Variants in GRID2 observed in about 807,000 individuals in gnomAD.
GRID2 encodes glutamate ionotropic receptor delta type subunit 2.
A neutral mutation model predicts 114.8 loss-of-function variants in GRID2; 33 were observed. The ratio of observed to expected loss-of-function variants is 0.29; its 90% CI spans 0.22 to 0.38. The LOEUF is 0.38. Ranked by LOEUF, GRID2 falls within the 10% of genes least tolerant of loss-of-function variation. The probability of loss-of-function intolerance (pLI) is 1.00; values close to 1 mark genes in which losing one functional copy is unlikely to be tolerated. For missense variants in GRID2, 1,184 were observed against 1,257.7 expected (o/e 0.94, Z 0.89); for synonymous variants, 505 against 449.9 (o/e 1.12, Z -1.55).
intron 2 of GRID2, among the ~76,000 whole-genome samples, chr4:92,817,702 CTT>C (rs112928641): frequency 7.0e-6 from 1 of 142,202 alleles, no homozygotes. Context: ...AGATATTTGG[CTT>C]TTTTTTTTTG....
intron 12 of GRID2, among the ~76,000 whole-genome samples, chr4:93,494,367 G>A (rs900602254): frequency 1.3e-5 from 2 of 150,852 alleles, no homozygotes; most frequent in South Asian, 4.2e-4. Context: ...CAGTGAAGGG[G>A]AGAGAGAGAG....
rs1297694328 is a variant in GRID2, at chr4:92,975,349, T to C, written c.245-109646T>C. On this transcript the variant is annotated intron_variant, in intron 2 of 15. Coordinates refer to ENST00000282020, the MANE Select transcript of GRID2 (RefSeq NM_001510.4). Reference sequence around the variant, plus strand: ...ATAATGGGATACTTCTAGTAGGCAATCTTCAATTCCTTAAGATACTTGGTT... The same window carrying C: ...ATAATGGGATACTTCTAGTAGGCAACCTTCAATTCCTTAAGATACTTGGTT... 2.0e-5 allele frequency among the ~76,000 whole-genome samples: 3 copies of C among 152,016 alleles called. No homozygotes were observed. In the South Asian group the frequency reaches 6.2e-4, roughly 31 times the overall value.
chr4:93,290,174 TTAAAAA>T (rs1200634194), intron 8 of GRID2, among the ~76,000 whole-genome samples: 2 of 152,202 alleles, frequency 1.3e-5, no homozygotes, highest in African/African-American at 4.8e-5. Context: ...TTACAGTATG[TTAAAAA>T]TAAATTTCAT....
At chr4:93,204,641 C>T (rs1036770927) in intron 4 of GRID2, among the ~76,000 whole-genome samples, 1 of 152,058 alleles carries the variant, frequency 6.6e-6, no homozygotes, top group Non-Finnish European at 1.5e-5. Context: ...AATATTATTT[C>T]TTGCTTTTGC....
intron 13 of GRID2, among the ~76,000 whole-genome samples, chr4:93,593,500 T>G (rs1287044405): frequency 2.7e-4 from 38 of 139,440 alleles, no homozygotes; most frequent in African/African-American, 7.8e-4. Context: ...TTTTCCTTCA[T>G]TTCAACTTTG....
chr4:93,422,776 A>T lies in GRID2; in HGVS notation c.1353A>T (p.Glu451Asp). 6.2e-7 allele frequency: 1 copy of T among 1,608,860 alleles called. No individual in the cohort carries two copies. Among genetic ancestry groups the T allele is most frequent in the Non-Finnish European group, 8.5e-7 (1 of 1,175,252 alleles). The change falls in exon 10 of 16, where the codon GAA becomes GAT. Residue 451 changes from glutamate (E) to aspartate (D), a missense_variant. By Grantham distance (45) the Glu-to-Asp change is conservative. This residue lies in a region of GRID2 where 717 missense variants were observed against 796.9 expected (regional missense o/e 0.90). Transcript: ENST00000282020. ...VVLRVVTVLE[E>D]PFVMVSENVL... The stretch of plus-strand genomic sequence containing the variant: ...TTTCTCTTATTTCCATGTAGGAAGA[A>T]CCTTTTGTGATGGTCTCTGAAAATG...
At chr4:92,829,546 A>G (rs1385454157) in intron 2 of GRID2, among the ~76,000 whole-genome samples, 2 of 152,182 alleles carry the variant, frequency 1.3e-5, no homozygotes, top group South Asian at 2.1e-4. Flanking sequence ...TCAAGGATCT[A>G]GAACCAAATA....
chr4:92,884,345 C>T (rs1236791579), intron 2 of GRID2, among the ~76,000 whole-genome samples: 1 of 152,148 alleles, frequency 6.6e-6, no homozygotes, highest in African/African-American at 2.4e-5. Context: ...ATCCAGATCA[C>T]TCAAGCCTTC....
chr4:92,679,379 C>T (rs1733534906), intron 2 of GRID2, among the ~76,000 whole-genome samples: 1 of 151,886 alleles, frequency 6.6e-6, no homozygotes, highest in South Asian at 2.1e-4. Flanking sequence ...GCATTTTTTT[C>T]TTAGTCACCA....
intron 13 of GRID2, among the ~76,000 whole-genome samples, chr4:93,543,957 C>T (rs976197677): frequency 4.6e-5 from 7 of 152,118 alleles, no homozygotes; most frequent in East Asian, 1.9e-4. Context: ...TTATATTATT[C>T]GGCAATTATT....
chr4:93,054,850 A>G (rs1727074266), intron 2 of GRID2, among the ~76,000 whole-genome samples: 1 of 151,944 alleles, frequency 6.6e-6, no homozygotes, highest in Non-Finnish European at 1.5e-5. Context: ...ACAAGTTTAA[A>G]AATCCAGGAT....
intron 14 of GRID2, among the ~76,000 whole-genome samples, chr4:93,634,552 A>G (rs969112713): frequency 1.3e-5 from 2 of 152,130 alleles, no homozygotes; most frequent in Admixed American, 1.3e-4. Flanking sequence ...AGACTTAAAT[A>G]TCTTGCCAAA....
At chr4:93,625,771 G>C (rs905718602) in intron 13 of GRID2, among the ~76,000 whole-genome samples, 1 of 151,910 alleles carries the variant, frequency 6.6e-6, no homozygotes, top group South Asian at 2.1e-4. Context: ...AAAAATTAGC[G>C]GGGCGCGGTG....
Position 93,206,435 on chromosome 4 carries a change from C to A in GRID2, c.736-969C>A, listed in dbSNP as rs184164779. Among the ~76,000 whole-genome samples the A allele has an allele frequency of 3.6e-3, 548 of 152,138 alleles. 3 individuals carry two copies. Among genetic ancestry groups the A allele is most frequent in the Admixed American group, 6.0e-3 (91 of 15,256 alleles). ...AAAGCATCTTCATTTGAAACCCAAT[C>A]GCTGAGTATTATTGCTAAAAACAAC... is the stretch of plus-strand genomic sequence containing the variant. On this transcript the variant is annotated intron_variant, in intron 4 of 15. Coordinates refer to ENST00000282020, the MANE Select transcript of GRID2 (RefSeq NM_001510.4).
chr4:92,873,861 T>A (rs1339288402), intron 2 of GRID2, among the ~76,000 whole-genome samples: 1 of 152,130 alleles, frequency 6.6e-6, no homozygotes. Context: ...ATTACAGGCA[T>A]GTGCCACCAC....
chr4:93,603,326 A>G (rs1474919157), intron 13 of GRID2, among the ~76,000 whole-genome samples: 1 of 152,262 alleles, frequency 6.6e-6, no homozygotes, highest in East Asian at 1.9e-4. Flanking sequence ...CATTCCCTTA[A>G]GCAAAAGCCT....
chr4:92,858,591 A>G (rs916155384), intron 2 of GRID2, among the ~76,000 whole-genome samples: 1 of 152,012 alleles, frequency 6.6e-6, no homozygotes, highest in Non-Finnish European at 1.5e-5. Context: ...GGAGTCTCAC[A>G]CTTTCGCCCA....
chr4:93,054,192 A>G (rs552574121), intron 2 of GRID2, among the ~76,000 whole-genome samples: 1 of 151,906 alleles, frequency 6.6e-6, no homozygotes, highest in Non-Finnish European at 1.5e-5. Context: ...TAAATGAAAC[A>G]AACAAGCAAA....
chr4:93,365,168 T>C (rs1172753487), intron 8 of GRID2, among the ~76,000 whole-genome samples: 1 of 152,168 alleles, frequency 6.6e-6, no homozygotes, highest in Non-Finnish European at 1.5e-5. Context: ...GTGAGGTATG[T>C]ACTACCTCTG....
Sources: gnomAD v4.1 joint callset for allele counts (sites outside exome capture counted in the v4.1 genomes callset) on GRCh38, gnomAD v4.1.1 for gene constraint, gnomAD v4.1.1 regional missense constraint, MANE v1.5 for transcripts, NCBI Gene and HGNC (gene_info 2026-07-23, HGNC 2026-07-21) for gene names.